The following MAD1L1 variants were observed in gnomAD, a reference collection of about 807,000 sequenced individuals.
MAD1L1 encodes the protein mitotic arrest deficient 1 like 1.
A neutral mutation model predicts 96.9 loss-of-function variants in MAD1L1; 95 were observed. The ratio of observed to expected loss-of-function variants is 0.98; its 90% CI spans 0.83 to 1.16. MAD1L1 has a LOEUF of 1.16. MAD1L1 is among the 50% of genes most tolerant of loss of function. The probability of loss-of-function intolerance (pLI) is 0.00; values close to 1 mark genes in which losing one functional copy is unlikely to be tolerated. For synonymous variants in MAD1L1, 473 were observed against 396.6 expected (o/e 1.19, Z -2.29); for missense variants, 1,007 against 954.4 (o/e 1.06, Z -0.73).
At chr7:1,858,152 G>A (rs1192506245) in intron 18 of MAD1L1, among the ~76,000 whole-genome samples, 1 of 152,160 alleles carries the variant, frequency 6.6e-6, no homozygotes, top group East Asian at 1.9e-4. Flanking sequence ...TCCTCAGCAC[G>A]GGCTCAGGCT....
At chr7:1,866,796 T>C (rs1249562174) in intron 18 of MAD1L1, among the ~76,000 whole-genome samples, 1 of 152,070 alleles carries the variant, frequency 6.6e-6, no homozygotes, top group East Asian at 1.9e-4. Flanking sequence ...GTACCATGAC[T>C]GGGGAAGCAG....
intron 14 of MAD1L1, among the ~76,000 whole-genome samples, chr7:1,992,863 G>A (rs1178167010): frequency 6.6e-6 from 1 of 152,096 alleles, no homozygotes; most frequent in Non-Finnish European, 1.5e-5. Flanking sequence ...TGACACCATT[G>A]TGGGCCTGGG....
intron 17 of MAD1L1, among the ~76,000 whole-genome samples, chr7:1,926,832 C>G (rs529509986): frequency 1.3e-5 from 2 of 152,346 alleles, no homozygotes; most frequent in East Asian, 3.9e-4. Context: ...AGGCCAGGAT[C>G]TCTGTTGCCC....
chr7:2,149,140 G>A lies in MAD1L1; in HGVS notation c.1073+12C>T, dbSNP rs10252865. Reference sequence around the variant, plus strand: ...ACGCATCCCCACAAGCACCCTGGGCGGCCAGGTCTACCTGCTGGTGACGGC... The same window carrying A: ...ACGCATCCCCACAAGCACCCTGGGCAGCCAGGTCTACCTGCTGGTGACGGC... On this transcript the variant is annotated intron_variant, in intron 11 of 18. Coordinates refer to ENST00000265854, the MANE Select transcript of MAD1L1 (RefSeq NM_001013836.2). The A allele has an allele frequency of 5.2e-4, 832 of 1,613,518 alleles. 8 individuals are homozygous for A. In the African/African-American group the frequency reaches 8.6e-3, roughly 17 times the overall value.
intron 11 of MAD1L1, among the ~76,000 whole-genome samples, chr7:2,130,509 G>A (rs1218867770): frequency 6.6e-6 from 1 of 152,082 alleles, no homozygotes; most frequent in Non-Finnish European, 1.5e-5. Flanking sequence ...ACATAGTCTT[G>A]GGCCTCTCTC....
chr7:1,852,065 G>A (rs1368332294), intron 18 of MAD1L1, among the ~76,000 whole-genome samples: 1 of 152,222 alleles, frequency 6.6e-6, no homozygotes, highest in Non-Finnish European at 1.5e-5. Context: ...TCTGGAATCT[G>A]TTGGCCTGGG....
At chr7:1,997,712 C>CG (rs1175337706) in intron 14 of MAD1L1, among the ~76,000 whole-genome samples, 2 of 152,192 alleles carry the variant, frequency 1.3e-5, no homozygotes, top group Admixed American at 6.5e-5. Flanking sequence ...AGTGCGGTGG[C>CG]GGGGGGCAGG....
intron 18 of MAD1L1, among the ~76,000 whole-genome samples, chr7:1,863,552 G>A (rs1263621968): frequency 1.3e-5 from 2 of 152,230 alleles, no homozygotes; most frequent in African/African-American, 4.8e-5. Context: ...TGACCCCTGA[G>A]CAGCACTTCA....
intron 18 of MAD1L1, among the ~76,000 whole-genome samples, chr7:1,869,256 T>C (rs920821941): frequency 3.9e-5 from 6 of 152,138 alleles, no homozygotes; most frequent in African/African-American, 1.4e-4. Context: ...TCAGCCCACG[T>C]GGAGAGCACC....
At chr7:2,222,236 C>T (rs916830142) in intron 5 of MAD1L1, among the ~76,000 whole-genome samples, 13 of 152,026 alleles carry the variant, frequency 8.6e-5, no homozygotes, top group African/African-American at 2.7e-4. Flanking sequence ...CGCACCACCA[C>T]GCATGGCTAA....
At chr7:2,096,400 T>A (rs898532444) in intron 11 of MAD1L1, among the ~76,000 whole-genome samples, 2 of 152,210 alleles carry the variant, frequency 1.3e-5, no homozygotes, top group Non-Finnish European at 2.9e-5. Context: ...TGGGCACACA[T>A]GAGCCTGGCC....
At chr7:2,128,583 C>T (rs191072964) in intron 11 of MAD1L1, among the ~76,000 whole-genome samples, 6 of 152,328 alleles carry the variant, frequency 3.9e-5, no homozygotes, top group South Asian at 2.1e-4. Context: ...GGCACAGGCA[C>T]GCCACCAGAG....
rs568767497 is a variant in MAD1L1 at position 2,036,508 on chromosome 7, G to A, written c.1219-21866C>T. Reference sequence around the variant, plus strand: ...TCTGAGGAGGACAATCCATCCGGTCGTGAGTTTGGACTCTTCCTACACACA... The same window carrying A: ...TCTGAGGAGGACAATCCATCCGGTCATGAGTTTGGACTCTTCCTACACACA... On this transcript the variant is annotated intron_variant, in intron 12 of 18. Transcript: ENST00000265854. Among the ~76,000 whole-genome samples, 15 of 152,298 alleles carry A rather than the reference G, an allele frequency of 9.8e-5. No homozygotes were observed. In the East Asian group the frequency reaches 1.7e-3, roughly 18 times the overall value.
chr7:2,215,285 G>A (rs182601932), intron 9 of MAD1L1, among the ~76,000 whole-genome samples: 27 of 150,928 alleles, frequency 1.8e-4, no homozygotes, highest in African/African-American at 6.4e-4. Context: ...GGCTGAGGCA[G>A]GAGACTCGCT....
At chr7:1,938,739 C>CGT (rs1778748240) in intron 16 of MAD1L1, among the ~76,000 whole-genome samples, 3 of 88,688 alleles carry the variant, frequency 3.4e-5, no homozygotes, top group Admixed American at 1.4e-4. Flanking sequence ...GGGCCAGAGG[C>CGT]GCGCACGCAC....
chr7:2,078,934 G>T (rs1785503751), intron 11 of MAD1L1, among the ~76,000 whole-genome samples: 1 of 152,238 alleles, frequency 6.6e-6, no homozygotes, highest in Admixed American at 6.5e-5. Context: ...GCCGTGCCTT[G>T]GGCACCCCCA....
intron 13 of MAD1L1, among the ~76,000 whole-genome samples, chr7:2,006,787 G>T (rs1407416512): frequency 1.3e-5 from 2 of 152,196 alleles, no homozygotes; most frequent in African/African-American, 4.8e-5. Context: ...GAGGCTCCCA[G>T]ATGGGGCACC....
At chr7:1,989,690 C>T (rs898119867) in intron 14 of MAD1L1, among the ~76,000 whole-genome samples, 3 of 152,124 alleles carry the variant, frequency 2.0e-5, no homozygotes, top group Admixed American at 6.5e-5. Flanking sequence ...CCAGCCTCAG[C>T]GTGGACCAGC....
At chr7:2,014,459 A>G in intron 13 of MAD1L1, 43 bp downstream of exon 13, 1 of 1,518,700 alleles carries the variant, frequency 6.6e-7, no homozygotes, top group Non-Finnish European at 8.8e-7. Context: ...ACCGGGAAGA[A>G]GCCCCACCTG....
Sources: allele counts gnomAD v4.1 joint callset (sites outside exome capture counted in the v4.1 genomes callset), GRCh38; gene constraint gnomAD v4.1.1; transcripts MANE v1.5; gene names NCBI Gene and HGNC (gene_info 2026-07-23, HGNC 2026-07-21).